IAH1: variants seen among roughly 807,000 people sequenced by gnomAD.
The protein encoded by IAH1 is isoamyl acetate-hydrolyzing esterase 1 homolog.
IAH1 carries 24 observed loss-of-function variants against 26.7 expected under a neutral mutation model. The ratio of observed to expected loss-of-function variants is 0.90; its 90% CI spans 0.65 to 1.26. IAH1 has a LOEUF of 1.26. Ranked by LOEUF, IAH1 falls within the 50% of genes most tolerant of loss-of-function variation. The pLI is 0.00. For missense variants in IAH1, 300 were observed against 299.9 expected (o/e 1.00, Z 0.00); for synonymous variants, 140 against 118.5 (o/e 1.18, Z -1.18).
At chr2:9,495,818 C>A (rs1188706803) in intron 6 of IAH1, among the ~76,000 whole-genome samples, 3 of 150,878 alleles carry the variant, frequency 2.0e-5, no homozygotes, top group African/African-American at 7.3e-5. Context: ...AGCCTCTTGG[C>A]ATTCAACACA....
intron 3 of IAH1, chr2:9,480,941 C>T (rs1372339305): frequency 3.2e-5 from 6 of 189,924 alleles, no homozygotes; most frequent in Non-Finnish European, 5.4e-5. Context: ...GGTTCTGTGG[C>T]GAGGAGTGAC....
chr2:9,474,592 G>T lies in IAH1; in HGVS notation c.26G>T (p.Cys9Phe). 1.3e-6 allele frequency: 2 copies of T among 1,543,052 alleles called. No individual in the cohort carries two copies. The highest frequency in any genetic ancestry group is 8.7e-7 in the Non-Finnish European group (1 of 1,150,344). ...ATGGCGCTGTGCGAGGCCGCGGGCT[G>T]CGGGAGTGCCCTGCTCTGGCCTCGC... is the stretch of plus-strand genomic sequence containing the variant. MALCEAAG[C>F]GSALLWPRLL... Residue 9 changes from cysteine (C) to phenylalanine (F), a missense_variant, in exon 1 of 6, where the codon TGC becomes TTC. Transcript: ENST00000497473. This position sits in a 1 kb window ranked among gnomAD's most constrained non-coding sequence, Gnocchi z 4.3.
chr2:9,475,295 T>C, intron 1 of IAH1: 1 of 938,688 alleles, frequency 1.1e-6, no homozygotes, highest in Non-Finnish European at 1.5e-6. Context: ...TTCACCAGGC[T>C]TTTGTGTATA....
the IAH1 span, among the ~76,000 whole-genome samples, chr2:9,503,137 C>CA: frequency 0.18 from 13,366 of 73,742 alleles, 770 homozygotes; most frequent in African/African-American, 0.26. Context: ...GAGACTCTCT[C>CA]AAAAAAAAAA....
rs34525911 is a variant in IAH1 at position 9,489,259 on chromosome 2, A to ATTTTTTTTTTTTTTTTTTTTTT, written c.*933_*954dup. On this transcript the variant is annotated 3_prime_UTR_variant, in exon 6 of 6. Coordinates refer to ENST00000497473, the MANE Select transcript of IAH1 (RefSeq NM_001039613.3). The stretch of plus-strand genomic sequence containing the variant: ...AATATTCTAGGTTTGTAGATAGTGA[A>ATTTTTTTTTTTTTTTTTTTTTT]TTTTTTTTTTTTTTTTTTTTTTTTG... 4.5e-4 allele frequency: 39 copies of ATTTTTTTTTTTTTTTTTTTTTT among 87,398 alleles called. 5 individuals carry two copies. Among genetic ancestry groups the ATTTTTTTTTTTTTTTTTTTTTT allele is most frequent in the African/African-American group, 2.4e-3 (37 of 15,528 alleles). The allele number at this position is 87,398 out of a possible 1,614,324, so 5.4% of individuals were successfully genotyped here.
At chr2:9,491,593 T>TCTC (rs34268740), downstream of IAH1, among the ~76,000 whole-genome samples, 78,533 of 151,870 alleles carry the variant, frequency 0.52, 21,179 homozygotes, top group Middle Eastern at 0.67. Context: ...ATGGCCTCAC[T>TCTC]CTCTTAGCTG....
Position 9,489,604 on chromosome 2 carries a change from A to T in IAH1, c.*1275A>T, listed in dbSNP as rs1661919731. On this transcript the variant is annotated 3_prime_UTR_variant, in exon 6 of 6. Transcript: ENST00000497473. ...ATGAAGAGCCATATTAACCCAAATG[A>T]TTTCTAAATTTAGATATATATTTTC... 6.6e-6 allele frequency: 1 copy of T among 151,918 alleles called. No homozygotes were observed. The highest frequency in any genetic ancestry group is 1.5e-5 in the Non-Finnish European group (1 of 68,000). 9.4% of individuals were successfully genotyped at this position (151,918 alleles called of 1,614,324 possible). A position where few individuals can be genotyped will look rare whatever the true frequency, so the allele number is the denominator to read the frequency against.
intron 4 of IAH1, among the ~76,000 whole-genome samples, chr2:9,484,123 C>T (rs1336416032): frequency 6.6e-6 from 1 of 152,206 alleles, no homozygotes; most frequent in Non-Finnish European, 1.5e-5. Flanking sequence ...GCAGCCCAGC[C>T]CTCCTGGGCC....
chr2:9,475,502 T>C (rs1464141145), intron 1 of IAH1, among the ~76,000 whole-genome samples: 1 of 151,168 alleles, frequency 6.6e-6, no homozygotes, highest in East Asian at 1.9e-4. Context: ...TTTTTTTTTT[T>C]CTTTTTTTCT....
chr2:9,497,728 ACT>A (rs1321099364), downstream of IAH1, among the ~76,000 whole-genome samples: 3 of 151,360 alleles, frequency 2.0e-5, no homozygotes, highest in African/African-American at 7.3e-5. Context: ...TGGTGTTTCC[ACT>A]CTTTTGGGGC....
downstream of IAH1, among the ~76,000 whole-genome samples, chr2:9,492,388 A>G (rs1260858851): frequency 6.6e-6 from 1 of 152,338 alleles, no homozygotes; most frequent in East Asian, 1.9e-4. Context: ...GAGAACAGAA[A>G]AGACTGCTTA....
At chr2:9,510,265 T>C in the IAH1 span, 46 of 994,606 alleles carry the variant, frequency 4.6e-5, no homozygotes, top group Non-Finnish European at 6.6e-5. Context: ...ATGCTTATAA[T>C]ACCAGCACTT....
chr2:9,481,097 T>C (rs894792367), intron 3 of IAH1, among the ~76,000 whole-genome samples, 189 bp from the exon 4 acceptor site: 5 of 152,206 alleles, frequency 3.3e-5, no homozygotes, highest in Admixed American at 3.3e-4. Flanking sequence ...GTTAGAGCCT[T>C]TGAAGTCTTG....
In IAH1 at chr2:9,478,264, C is replaced by A; in HGVS notation, c.177C>A (p.Thr59=). 6.2e-7 allele frequency: 1 copy of A among 1,612,468 alleles called. No individual in the cohort carries two copies. Among genetic ancestry groups the A allele is most frequent in the Non-Finnish European group, 8.5e-7 (1 of 1,179,296 alleles). Residue 59 remains threonine (T), a synonymous_variant, in exon 3 of 6, where the codon ACC becomes ACA. Coordinates refer to ENST00000497473, the MANE Select transcript of IAH1 (RefSeq NM_001039613.3). ...VLNRGFSGYN[T]RWAKIILPRL... is the part of the protein sequence containing the mutation. ...ATCGTGGATTTTCAGGTTACAATAC[C>A]AGGTGGGCCAAAATTATCCTTCCAA...
chr2:9,480,483 C>T (rs1312862398), intron 3 of IAH1, among the ~76,000 whole-genome samples: 2 of 152,118 alleles, frequency 1.3e-5, no homozygotes, highest in African/African-American at 4.8e-5. Context: ...GGTGATGGAG[C>T]GAGAACCTGT....
In IAH1 at chr2:9,489,195, A is replaced by C. The variant is rs1158455591; in HGVS notation, c.*866A>C. On this transcript the variant is annotated 3_prime_UTR_variant, in exon 6 of 6. Coordinates refer to ENST00000497473, the MANE Select transcript of IAH1 (RefSeq NM_001039613.3). ...TTGTTAAGAAATATCTCACCCTCTT[A>C]TTCAATAGTGTTTGAAAACAGGCAA... 1 of 149,494 alleles carries C rather than the reference A, an allele frequency of 6.7e-6. No homozygotes were observed. Among genetic ancestry groups the C allele is most frequent in the African/African-American group, 2.5e-5 (1 of 40,036 alleles). The allele number at this position is 149,494 out of a possible 1,614,324, so 9.3% of individuals were successfully genotyped here.
downstream of IAH1, among the ~76,000 whole-genome samples, chr2:9,499,559 G>A (rs1450967430): frequency 5.3e-5 from 8 of 152,002 alleles, no homozygotes; most frequent in African/African-American, 1.9e-4. Flanking sequence ...CCGCCACCAC[G>A]CCCAGCTAAT....
the IAH1 span, among the ~76,000 whole-genome samples, chr2:9,505,772 G>A: frequency 4.6e-5 from 7 of 152,158 alleles, no homozygotes; most frequent in Non-Finnish European, 1.0e-4. Context: ...ACCTCTGTAG[G>A]TTAATGTTGT....
At chr2:9,487,157 G>A (rs1328944276) in intron 5 of IAH1, among the ~76,000 whole-genome samples, 1 of 152,050 alleles carries the variant, frequency 6.6e-6, no homozygotes, top group East Asian at 1.9e-4. Context: ...TAGAAAGATC[G>A]CTTGAGCCCA....
Sources: gnomAD v4.1 joint callset for allele counts (sites outside exome capture counted in the v4.1 genomes callset) on GRCh38, gnomAD v4.1.1 for gene constraint, Gnocchi (gnomAD v3.1) non-coding constraint, MANE v1.5 for transcripts, NCBI Gene and HGNC (gene_info 2026-07-23, HGNC 2026-07-21) for gene names.